Variants in ZDHHC14 observed in about 807,000 individuals in gnomAD.
ZDHHC14 encodes zDHHC palmitoyltransferase 14.
ZDHHC14 carries 16 observed loss-of-function variants against 47.7 expected under a neutral mutation model. That is an observed-to-expected ratio of 0.34 (90% CI 0.23 to 0.51). The LOEUF is 0.51. Among genes scored for constraint, ZDHHC14 ranks in the 20% least tolerant of loss-of-function variants. ZDHHC14 has a pLI of 0.97. For synonymous variants in ZDHHC14, 293 were observed against 278.9 expected, an observed-to-expected ratio of 1.05 and a Z score of -0.50; for missense variants, 515 against 662.5, an observed-to-expected ratio of 0.78 and a Z score of 2.44.
At chr6:157,405,445 G>A (rs1777734159) in intron 1 of ZDHHC14, among the ~76,000 whole-genome samples, 2 of 152,250 alleles carry the variant, frequency 1.3e-5, no homozygotes, top group South Asian at 4.1e-4. Flanking sequence ...TGTTGGCCAG[G>A]ATGGTCTCGA....
At chr6:157,407,203 C>T (rs1177436053) in intron 1 of ZDHHC14, among the ~76,000 whole-genome samples, 1 of 152,272 alleles carries the variant, frequency 6.6e-6, no homozygotes, top group East Asian at 1.9e-4. Flanking sequence ...GAGATACGGA[C>T]TTGGGCTGCT....
intron 1 of ZDHHC14, among the ~76,000 whole-genome samples, chr6:157,505,554 G>C (rs1435526282): frequency 2.0e-5 from 3 of 152,168 alleles, no homozygotes; most frequent in African/African-American, 7.2e-5. Context: ...AGCCATGCCT[G>C]CTGAATGAAT....
At chr6:157,441,546 A>G (rs112393905) in intron 1 of ZDHHC14, among the ~76,000 whole-genome samples, 3,480 of 152,308 alleles carry the variant, frequency 0.023, 151 homozygotes, top group African/African-American at 0.079. Context: ...ATGAAAGAAA[A>G]GAAAAAATCT....
chr6:157,581,139 G>T (rs1476364081), intron 2 of ZDHHC14, among the ~76,000 whole-genome samples: 2 of 151,934 alleles, frequency 1.3e-5, no homozygotes, highest in African/African-American at 2.4e-5. Context: ...CTCATTAGTT[G>T]CAAAGAACTT....
Position 157,492,202 on chromosome 6 carries a change from C to CCTGCG in ZDHHC14, c.246-50382_246-50381insTGCGC, listed in dbSNP as rs1472973402. ...TTGACCCTCAACATCCCCCCTCCGCCCCCGCCCCCCAGCCACTGTAGTCTC... is the reference window on the plus strand; with the variant it reads ...TTGACCCTCAACATCCCCCCTCCGCCCTGCGCCCGCCCCCCAGCCACTGTAGTCTC... On this transcript the variant is annotated intron_variant, in intron 1 of 8. Coordinates refer to ENST00000359775, the MANE Select transcript of ZDHHC14 (RefSeq NM_024630.3). Among the ~76,000 whole-genome samples the CCTGCG allele has an allele frequency of 4.8e-4, 58 of 119,798 alleles. 1 individual carries two copies. Among genetic ancestry groups the CCTGCG allele is most frequent in the African/African-American group, 2.7e-3 (57 of 20,870 alleles). The allele number at this position is 119,798 out of a possible 152,430, so 78.6% of individuals were successfully genotyped here. A position where few individuals can be genotyped will look rare whatever the true frequency, so the allele number is the denominator to read the frequency against.
chr6:157,617,110 G>T lies in ZDHHC14; in HGVS notation c.566-11239G>T, dbSNP rs1219986463. The stretch of plus-strand genomic sequence containing the variant: ...TCTGAGCATATACAGGGGAACACCT[G>T]TTCCTCTTACCTCATATAACAGGCA... On this transcript the variant is annotated intron_variant, in intron 3 of 8. Transcript: ENST00000359775. Among the ~76,000 whole-genome samples the T allele has an allele frequency of 2.0e-5, 3 of 152,144 alleles. 1 individual carries two copies. Among genetic ancestry groups the T allele is most frequent in the South Asian group, 4.1e-4 (2 of 4,828 alleles).
intron 1 of ZDHHC14, among the ~76,000 whole-genome samples, chr6:157,401,883 C>G (rs967877255): frequency 6.1e-4 from 92 of 150,342 alleles, no homozygotes; most frequent in African/African-American, 2.1e-3. Context: ...GAGGTCTCAG[C>G]TGCAGTAGTG....
chr6:157,639,561 C>G (rs1307828749), intron 5 of ZDHHC14, among the ~76,000 whole-genome samples: 1 of 152,196 alleles, frequency 6.6e-6, no homozygotes, highest in Non-Finnish European at 1.5e-5. Context: ...CTCGGCCTCC[C>G]AAAGTGCTGG....
chr6:157,536,410 G>T (rs1781545764), intron 1 of ZDHHC14, among the ~76,000 whole-genome samples: 1 of 152,158 alleles, frequency 6.6e-6, no homozygotes, highest in South Asian at 2.1e-4. Context: ...AACATTAAAA[G>T]AGGACTCAAA....
intron 2 of ZDHHC14, among the ~76,000 whole-genome samples, chr6:157,562,541 A>G (rs1445380156): frequency 2.0e-5 from 3 of 152,008 alleles, no homozygotes; most frequent in Non-Finnish European, 4.4e-5. Flanking sequence ...GTCTGTGAAG[A>G]CTACCACTTC....
chr6:157,568,115 T>C (rs1384497442), intron 2 of ZDHHC14, among the ~76,000 whole-genome samples: 2 of 152,338 alleles, frequency 1.3e-5, no homozygotes, highest in East Asian at 1.9e-4. Flanking sequence ...TGCATTTTTT[T>C]CCAAAGCAGC....
chr6:157,560,608 G>A (rs9355281), intron 2 of ZDHHC14, among the ~76,000 whole-genome samples: 52,150 of 151,818 alleles, frequency 0.34, 9,761 homozygotes, highest in East Asian at 0.62. Context: ...TTCTCTGTAC[G>A]TTTCTGATAT....
chr6:157,656,222 G>A (rs1033762369), intron 8 of ZDHHC14, among the ~76,000 whole-genome samples: 55 of 152,324 alleles, frequency 3.6e-4, no homozygotes, highest in Middle Eastern at 6.8e-3. Context: ...TGAAGGCACC[G>A]GGCTGTGATG....
chr6:157,585,368 G>C (rs1783652206), intron 2 of ZDHHC14, among the ~76,000 whole-genome samples: 1 of 150,270 alleles, frequency 6.7e-6, no homozygotes, highest in South Asian at 2.1e-4. Flanking sequence ...AGCCCAAAGA[G>C]GCAGAGGCAC....
At chr6:157,517,362 T>C (rs1780731889) in intron 1 of ZDHHC14, among the ~76,000 whole-genome samples, 1 of 150,866 alleles carries the variant, frequency 6.6e-6, no homozygotes, top group African/African-American at 2.4e-5. Context: ...TCAGCCAGGC[T>C]GGAGTGCAGT....
At position 157,427,758 on chromosome 6, in the gene ZDHHC14, CTG is replaced by C. The variant is rs968105402; in HGVS notation, c.245+45495_245+45496del. On this transcript the variant is annotated intron_variant, in intron 1 of 8. Coordinates refer to ENST00000359775, the MANE Select transcript of ZDHHC14 (RefSeq NM_024630.3). The surrounding 1 kb of genome is among the most constrained non-coding windows in gnomAD (Gnocchi z 4.4). The stretch of plus-strand genomic sequence containing the variant: ...TGGAGTAGTGGGAGTCAGAAACACA[CTG>C]TGAGATTGACCACCTTCCATCGGAG... Among the ~76,000 whole-genome samples, 1 of 152,108 alleles carries C rather than the reference CTG, an allele frequency of 6.6e-6. No individual in the cohort carries two copies. Among genetic ancestry groups the C allele is most frequent in the African/African-American group, 2.4e-5 (1 of 41,388 alleles).
intron 8 of ZDHHC14, among the ~76,000 whole-genome samples, chr6:157,665,920 C>G (rs1778534684): frequency 1.3e-5 from 2 of 152,148 alleles, no homozygotes; most frequent in African/African-American, 4.8e-5. Flanking sequence ...CATCTGAACT[C>G]CTATGAAATT....
chr6:157,643,936 G>T (rs929208117), intron 5 of ZDHHC14, among the ~76,000 whole-genome samples: 2 of 151,940 alleles, frequency 1.3e-5, no homozygotes, highest in African/African-American at 4.8e-5. Flanking sequence ...TTGCAGTTTG[G>T]TTCTTCATGT....
At chr6:157,559,664 T>C (rs1041472247) in intron 2 of ZDHHC14, among the ~76,000 whole-genome samples, 2 of 152,256 alleles carry the variant, frequency 1.3e-5, no homozygotes, top group Non-Finnish European at 2.9e-5. Flanking sequence ...TTCACTGTTT[T>C]GTTTTTCCCC....
Sources: gnomAD v4.1 joint callset for allele counts (sites outside exome capture counted in the v4.1 genomes callset) on GRCh38, gnomAD v4.1.1 for gene constraint, Gnocchi (gnomAD v3.1) non-coding constraint, MANE v1.5 for transcripts, NCBI Gene and HGNC (gene_info 2026-07-23, HGNC 2026-07-21) for gene names.